Variants in ROBO1 observed in about 807,000 individuals in gnomAD.
ROBO1 encodes the protein roundabout guidance receptor 1, also known as roundabout homolog 1.
ROBO1 carries 149 observed loss-of-function variants against 195.9 expected under a neutral mutation model. The ratio of observed to expected loss-of-function variants is 0.76; its 90% CI spans 0.67 to 0.87. The LOEUF (loss-of-function observed/expected upper bound fraction) is 0.87, where lower values mean the gene tolerates loss of function less well. Among genes scored for constraint, ROBO1 ranks in the 40% least tolerant of loss-of-function variants. The pLI is 0.00. For synonymous variants in ROBO1, 816 were observed against 733.2 expected, an observed-to-expected ratio of 1.11 and a Z score of -1.82; for missense variants, 1,933 against 2,068.3, an observed-to-expected ratio of 0.93 and a Z score of 1.27.
chr3:79,049,355 A>T (rs1050293642), intron 3 of ROBO1, among the ~76,000 whole-genome samples: 2 of 152,172 alleles, frequency 1.3e-5, no homozygotes, highest in Non-Finnish European at 2.9e-5. Flanking sequence ...AGAAAAATGA[A>T]TGAAAAGAAA....
chr3:78,989,055 G>T (rs2077175602), intron 3 of ROBO1, among the ~76,000 whole-genome samples: 1 of 152,036 alleles, frequency 6.6e-6, no homozygotes, highest in African/African-American at 2.4e-5. Context: ...AAAATTACAG[G>T]TAGATAGGAG....
At chr3:79,566,947 T>C (rs1295474224) in intron 2 of ROBO1, among the ~76,000 whole-genome samples, 3 of 152,072 alleles carry the variant, frequency 2.0e-5, no homozygotes, top group African/African-American at 7.2e-5. Flanking sequence ...TCGAGACACA[T>C]GCACGTGTAT....
intron 2 of ROBO1, among the ~76,000 whole-genome samples, chr3:79,430,398 T>C (rs945119890): frequency 6.6e-6 from 1 of 152,122 alleles, no homozygotes; most frequent in African/African-American, 2.4e-5. Context: ...CAAAAATTCT[T>C]TGGAAGTCCT....
chr3:78,922,641 G>C (rs894772332), intron 4 of ROBO1, among the ~76,000 whole-genome samples: 7 of 95,644 alleles, frequency 7.3e-5, no homozygotes, highest in Non-Finnish European at 1.2e-4. Context: ...TCTCATTCTT[G>C]TTCTGTCACC....
intron 15 of ROBO1, 68 bp from the exon 16 acceptor site, chr3:78,661,329 A>AT: frequency 9.9e-7 from 1 of 1,011,514 alleles, no homozygotes; most frequent in South Asian, 2.8e-5. Flanking sequence ...AATAATAAAA[A>AT]TTAAACGTTA....
At chr3:79,077,205 G>A (rs756414023) in intron 3 of ROBO1, among the ~76,000 whole-genome samples, 1 of 151,686 alleles carries the variant, frequency 6.6e-6, no homozygotes, top group South Asian at 2.1e-4. Flanking sequence ...TCCACATTCC[G>A]TCTCCAGCCC....
At chr3:79,717,193 A>G (rs1702522986) in intron 1 of ROBO1, among the ~76,000 whole-genome samples, 1 of 145,564 alleles carries the variant, frequency 6.9e-6, no homozygotes, top group Non-Finnish European at 1.5e-5. Flanking sequence ...TTTGTTTGAA[A>G]TCTTCTCAAT....
At chr3:79,090,691 A>G (rs2079463459) in intron 3 of ROBO1, among the ~76,000 whole-genome samples, 1 of 152,158 alleles carries the variant, frequency 6.6e-6, no homozygotes, top group Admixed American at 6.6e-5. Flanking sequence ...TCTTATCGGT[A>G]AAATGAGCCT....
At chr3:79,456,077 T>C (rs2039610733) in intron 2 of ROBO1, among the ~76,000 whole-genome samples, 1 of 152,164 alleles carries the variant, frequency 6.6e-6, no homozygotes, top group South Asian at 2.1e-4. Flanking sequence ...TAAGTACATG[T>C]TGAAATCTTC....
intron 4 of ROBO1, among the ~76,000 whole-genome samples, chr3:78,755,553 G>T (rs765356871): frequency 6.6e-6 from 1 of 152,098 alleles, no homozygotes; most frequent in Non-Finnish European, 1.5e-5. Flanking sequence ...AATGGTGATG[G>T]TTTTATACCA....
At chr3:79,248,857 A>G (rs1452281419) in intron 2 of ROBO1, among the ~76,000 whole-genome samples, 2 of 152,188 alleles carry the variant, frequency 1.3e-5, no homozygotes, top group African/African-American at 4.8e-5. Flanking sequence ...TCTAGGTTGC[A>G]TATCAAGACA....
chr3:79,704,117 A>G (rs1240918158), intron 1 of ROBO1, among the ~76,000 whole-genome samples: 1 of 151,918 alleles, frequency 6.6e-6, no homozygotes, highest in Non-Finnish European at 1.5e-5. Context: ...GGGTGCAGAG[A>G]TATCTCCTAT....
chr3:79,608,616 T>G (rs1006041289), intron 1 of ROBO1, among the ~76,000 whole-genome samples: 2 of 151,944 alleles, frequency 1.3e-5, no homozygotes, highest in Non-Finnish European at 2.9e-5. Flanking sequence ...CTGATGGATG[T>G]TTTCCTATAA....
At chr3:79,117,383 A>C (rs983828929) in intron 3 of ROBO1, among the ~76,000 whole-genome samples, 4 of 151,866 alleles carry the variant, frequency 2.6e-5, no homozygotes, top group Admixed American at 2.0e-4. Context: ...ACAAAAACAA[A>C]AAAAAAAAGA....
chr3:78,605,533 G>A (rs895000417), intron 29 of ROBO1, among the ~76,000 whole-genome samples: 15 of 152,088 alleles, frequency 9.9e-5, no homozygotes, highest in Non-Finnish European at 1.9e-4. Flanking sequence ...AATAGTTACC[G>A]GCATTATCTC....
intron 2 of ROBO1, among the ~76,000 whole-genome samples, chr3:79,168,662 T>C (rs568032591): frequency 6.6e-6 from 1 of 152,264 alleles, no homozygotes; most frequent in African/African-American, 2.4e-5. Context: ...CTTCAATATC[T>C]CTAGTCACTT....
intron 16 of ROBO1, 110 bp from the exon 17 acceptor site, chr3:78,659,917 G>GA: frequency 1.8e-6 from 1 of 542,652 alleles, no homozygotes; most frequent in Non-Finnish European, 2.6e-6. Flanking sequence ...ATCAATATAT[G>GA]CTTTTTTTTT....
At chr3:79,571,256 C>CT (rs1486909308) in intron 2 of ROBO1, among the ~76,000 whole-genome samples, 1 of 152,058 alleles carries the variant, frequency 6.6e-6, no homozygotes, top group African/African-American at 2.4e-5. Flanking sequence ...CCCTGCATAT[C>CT]TAGGGCTCCA....
chr3:79,529,037 A>G (rs1380593131), intron 2 of ROBO1, among the ~76,000 whole-genome samples: 1 of 152,236 alleles, frequency 6.6e-6, no homozygotes, highest in East Asian at 1.9e-4. Context: ...CAATTTTGCA[A>G]TACTTTTTGT....
Sources: allele counts gnomAD v4.1 joint callset (sites outside exome capture counted in the v4.1 genomes callset), GRCh38; gene constraint gnomAD v4.1.1; transcripts MANE v1.5; gene names NCBI Gene and HGNC (gene_info 2026-07-23, HGNC 2026-07-21).